The following JAKMIP2 variants were observed in gnomAD, a reference collection of about 807,000 sequenced individuals.
JAKMIP2 encodes the protein janus kinase and microtubule interacting protein 2.
In JAKMIP2, 25 loss-of-function variants were observed where a neutral mutation model predicts 115.0. The observed-to-expected ratio is 0.22, with a 90% confidence interval of 0.16 to 0.30. The LOEUF (loss-of-function observed/expected upper bound fraction) is 0.30. JAKMIP2 is among the 10% of genes least tolerant of loss of function. JAKMIP2 has a pLI of 1.00. For missense variants in JAKMIP2, 642 were observed against 957.6 expected (o/e 0.67, Z 4.35); for synonymous variants, 334 against 343.6 (o/e 0.97, Z 0.31).
At chr5:147,684,109 A>C (rs1237623084) in intron 1 of JAKMIP2, among the ~76,000 whole-genome samples, 6 of 152,292 alleles carry the variant, frequency 3.9e-5, no homozygotes, top group African/African-American at 1.4e-4. Flanking sequence ...TAAAAGCAAG[A>C]CCGTTAGGTT....
chr5:147,690,501 C>A (rs1462714654), intron 1 of JAKMIP2, among the ~76,000 whole-genome samples: 1 of 137,028 alleles, frequency 7.3e-6, no homozygotes, highest in Non-Finnish European at 1.5e-5. Context: ...CGAATGAAGT[C>A]CAAAGTATAA....
rs772587241 is a variant in JAKMIP2 at position 147,639,641 on chromosome 5, T to C, written c.1521A>G (p.Arg507=). 1.2e-6 allele frequency: 2 copies of C among 1,612,964 alleles called. No homozygotes were observed. Among genetic ancestry groups the C allele is most frequent in the Non-Finnish European group, 1.7e-6 (2 of 1,179,542 alleles). ...EQTGGIIDAE[R]EAKAQEQLQA... ...ACAGATACACACTAACCTTGGCTTC[T>C]CGTTCAGCGTCGATGATGCCTCCCG... Residue 507 remains arginine, a synonymous_variant, in exon 10 of 22, where the codon CGA becomes CGG. Transcript: ENST00000616793.
chr5:147,605,370 C>T (rs980725196), intron 20 of JAKMIP2, among the ~76,000 whole-genome samples: 4 of 152,048 alleles, frequency 2.6e-5, no homozygotes, highest in African/African-American at 4.8e-5. Context: ...CCACCTCACC[C>T]GGCTAATTTT....
chr5:147,678,450 T>C (rs2126825355), intron 1 of JAKMIP2, among the ~76,000 whole-genome samples: 1 of 152,340 alleles, frequency 6.6e-6, no homozygotes, highest in East Asian at 1.9e-4. Context: ...GGTCCATCCA[T>C]GTCACAAATG....
At chr5:147,769,515 A>G (rs1755271957) in intron 1 of JAKMIP2, among the ~76,000 whole-genome samples, 1 of 152,108 alleles carries the variant, frequency 6.6e-6, no homozygotes, top group Admixed American at 6.6e-5. Context: ...TTGTCTTATT[A>G]CCATGTATTC....
At chr5:147,683,856 G>T (rs1760435826) in intron 1 of JAKMIP2, among the ~76,000 whole-genome samples, 2 of 152,210 alleles carry the variant, frequency 1.3e-5, no homozygotes, top group East Asian at 1.9e-4. Context: ...GTACATGAAG[G>T]TTGGATAAAA....
intron 20 of JAKMIP2, among the ~76,000 whole-genome samples, chr5:147,608,867 A>G (rs1756162740): frequency 7.9e-5 from 12 of 152,064 alleles, no homozygotes; most frequent in Admixed American, 7.9e-4. Context: ...CCTATATTGG[A>G]TGCATATATA....
At chr5:147,652,946 G>C (rs1181982035) in intron 3 of JAKMIP2, among the ~76,000 whole-genome samples, 1 of 152,078 alleles carries the variant, frequency 6.6e-6, no homozygotes, top group African/African-American at 2.4e-5. Context: ...TTATGAGCGG[G>C]AACATGCAGT....
intron 1 of JAKMIP2, among the ~76,000 whole-genome samples, chr5:147,709,586 C>T (rs573713479): frequency 6.6e-6 from 1 of 152,262 alleles, no homozygotes; most frequent in South Asian, 2.1e-4. Context: ...TGGGGTGGCT[C>T]ACGCCTGTAA....
In JAKMIP2 at chr5:147,586,743, C is replaced by T. The variant is rs908824592; in HGVS notation, c.*4964G>A. The T allele has an allele frequency of 6.9e-6, 1 of 144,070 alleles. No individual in the cohort carries two copies. Among genetic ancestry groups the T allele is most frequent in the African/African-American group, 2.5e-5 (1 of 39,642 alleles). 8.9% of individuals were successfully genotyped at this position (144,070 alleles called of 1,614,324 possible). On this transcript the variant is annotated 3_prime_UTR_variant, in exon 22 of 22. Transcript: ENST00000616793. ...CTTTAGTAGTTTTTTTCCTCTCTCC[C>T]TCTTTTCTTTCTTTCTTTTTTTTTT...
intron 1 of JAKMIP2, among the ~76,000 whole-genome samples, chr5:147,688,091 T>C (rs1420249216): frequency 6.6e-6 from 1 of 152,190 alleles, no homozygotes; most frequent in Non-Finnish European, 1.5e-5. Context: ...CTTTTTCATA[T>C]CTATTATTGC....
intron 1 of JAKMIP2, among the ~76,000 whole-genome samples, chr5:147,684,188 A>G (rs1480846201): frequency 1.3e-5 from 2 of 152,096 alleles, no homozygotes; most frequent in African/African-American, 4.8e-5. Flanking sequence ...CAGGAATCAG[A>G]CCATCAACTA....
At chr5:147,692,131 GA>G (rs1751887713) in intron 1 of JAKMIP2, among the ~76,000 whole-genome samples, 1 of 152,138 alleles carries the variant, frequency 6.6e-6, no homozygotes, top group Non-Finnish European at 1.5e-5. Context: ...ATGTAATCAA[GA>G]TGACTGATGT....
chr5:147,617,785 T>G (rs1466943528), intron 19 of JAKMIP2, 126 bp downstream of exon 19: 1 of 681,838 alleles, frequency 1.5e-6, no homozygotes, highest in Non-Finnish European at 2.5e-6. Flanking sequence ...TGGTTATTTA[T>G]TTTACTCTCT....
chr5:147,638,527 T>C (rs1370595201), intron 10 of JAKMIP2, among the ~76,000 whole-genome samples: 1 of 152,218 alleles, frequency 6.6e-6, no homozygotes, highest in Non-Finnish European at 1.5e-5. Flanking sequence ...AAATTGGTGT[T>C]TTTTAAAAAC....
chr5:147,637,531 C>T (rs961087075), intron 10 of JAKMIP2, among the ~76,000 whole-genome samples: 1 of 148,544 alleles, frequency 6.7e-6, no homozygotes, highest in Non-Finnish European at 1.5e-5. Context: ...CCTCCGCCTC[C>T]TGGGTTCAAG....
At chr5:147,745,186 G>A (rs1315764317) in intron 1 of JAKMIP2, among the ~76,000 whole-genome samples, 10 of 89,472 alleles carry the variant, frequency 1.1e-4, no homozygotes, top group African/African-American at 3.5e-4. Context: ...CTTGGCGGAT[G>A]CAACTTAGAT....
chr5:147,641,798 A>G, intron 7 of JAKMIP2, 34 bp from the exon 8 acceptor site: 3 of 1,549,526 alleles, frequency 1.9e-6, no homozygotes, highest in Non-Finnish European at 2.7e-6. Context: ...CAGATCCAGA[A>G]TTGGTAGATG....
chr5:147,691,569 A>G (rs1751861639), intron 1 of JAKMIP2, among the ~76,000 whole-genome samples: 1 of 152,230 alleles, frequency 6.6e-6, no homozygotes, highest in Non-Finnish European at 1.5e-5. Context: ...CCAAGGCTGC[A>G]CAAAGCTGGG....
Sources: gnomAD v4.1 joint callset for allele counts (sites outside exome capture counted in the v4.1 genomes callset) on GRCh38, gnomAD v4.1.1 for gene constraint, MANE v1.5 for transcripts, NCBI Gene and HGNC (gene_info 2026-07-23, HGNC 2026-07-21) for gene names.